The following LVRN variants were observed in gnomAD, a reference collection of about 807,000 sequenced individuals.
LVRN encodes the protein laeverin.
In LVRN, 99 loss-of-function variants were observed where a neutral mutation model predicts 111.4. The observed-to-expected ratio is 0.89, with a 90% CI of 0.76 to 1.05. The LOEUF (loss-of-function observed/expected upper bound fraction) is 1.05, where lower values mean the gene tolerates loss of function less well. Ranked by LOEUF, LVRN falls within the 50% of genes least tolerant of loss-of-function variation. LVRN has a pLI of 0.00. For missense variants in LVRN, 1,414 were observed against 1,206.8 expected (o/e 1.17, Z -2.54); for synonymous variants, 488 against 449.5 (o/e 1.09, Z -1.08).
intron 1 of LVRN, among the ~76,000 whole-genome samples, chr5:115,970,458 C>G (rs1340056310): frequency 1.3e-5 from 2 of 150,096 alleles, no homozygotes; most frequent in Non-Finnish European, 2.9e-5. Flanking sequence ...TCTCAGCTCA[C>G]TGCAACCTCC....
chr5:116,000,022 TAATTC>T (rs1223041009), intron 7 of LVRN, 120 bp downstream of exon 7: 1 of 1,119,804 alleles, frequency 8.9e-7, no homozygotes, highest in Non-Finnish European at 1.3e-6. Flanking sequence ...AACCTTATTT[TAATTC>T]AATACATAGG....
chr5:116,017,141 C>T (rs1197177878), intron 18 of LVRN, among the ~76,000 whole-genome samples: 2 of 152,106 alleles, frequency 1.3e-5, no homozygotes, highest in African/African-American at 4.8e-5. Flanking sequence ...CCTCCTTCTA[C>T]CTGGAGGACA....
At chr5:116,006,523 C>T (rs1458184953) in intron 13 of LVRN, among the ~76,000 whole-genome samples, 1 of 152,086 alleles carries the variant, frequency 6.6e-6, no homozygotes, top group African/African-American at 2.4e-5. Context: ...TCTCTAAGAT[C>T]ACCATGACTT....
chr5:116,022,360 C>T (rs776623453), intron 18 of LVRN, 31 bp from the exon 19 acceptor site: 4 of 1,509,942 alleles, frequency 2.6e-6, no homozygotes, highest in Non-Finnish European at 3.7e-6. Context: ...AAATGCTTTC[C>T]ACCCTTGATT....
At chr5:115,977,424 G>A (rs1753471744) in intron 1 of LVRN, among the ~76,000 whole-genome samples, 1 of 152,108 alleles carries the variant, frequency 6.6e-6, no homozygotes, top group South Asian at 2.1e-4. Context: ...TGTGCTTCTG[G>A]TTGTCTTATG....
chr5:115,968,940 G>T (rs928722484), intron 1 of LVRN, among the ~76,000 whole-genome samples: 2 of 152,160 alleles, frequency 1.3e-5, no homozygotes, highest in South Asian at 4.1e-4. Flanking sequence ...AGGAATTGCA[G>T]CCGGGCTCAG....
At position 115,962,773 on chromosome 5, in the gene LVRN, G is replaced by A. The variant is rs372670046; in HGVS notation, c.156G>A (p.Arg52=). Residue 52 remains arginine, a synonymous_variant, in exon 1 of 20, where the codon AGG becomes AGA. Coordinates refer to ENST00000357872, the MANE Select transcript of LVRN (RefSeq NM_173800.5). ...CACCGTCGGAGCTGCCTGGACTCAG[G>A]GACTTGGAAGCCGAGTCTTCCCCTC... ...RVPPSELPGL[R]DLEAESSPPL... The A allele has an allele frequency of 5.5e-5, 88 of 1,611,374 alleles. No homozygotes were observed. In the African/African-American group the frequency reaches 9.4e-4, roughly 17 times the overall value.
rs746238759 is a variant in LVRN, at chr5:115,962,598, G to T, written c.-20G>T. 1.4e-5 allele frequency: 22 copies of T among 1,582,578 alleles called. No individual in the cohort carries two copies. The highest frequency in any genetic ancestry group is 1.9e-5 in the Non-Finnish European group (22 of 1,167,320). On this transcript the variant is annotated 5_prime_UTR_variant, in exon 1 of 20. Coordinates refer to ENST00000357872, the MANE Select transcript of LVRN (RefSeq NM_173800.5). ...CACAGTCTCTGAGCTCCAGCCTCGCGCCTGAACCCGGTCCCTGCCATGGGG... is the reference window on the plus strand; with the variant it reads ...CACAGTCTCTGAGCTCCAGCCTCGCTCCTGAACCCGGTCCCTGCCATGGGG...
intron 1 of LVRN, among the ~76,000 whole-genome samples, 159 bp from the exon 2 acceptor site, chr5:115,983,128 A>AT (rs1335847336): frequency 6.6e-6 from 1 of 152,172 alleles, no homozygotes; most frequent in African/African-American, 2.4e-5. Context: ...TGCCATGATA[A>AT]TTGGAGTGTG....
chr5:115,995,228 G>C (rs1014872304), intron 6 of LVRN: 7 of 152,128 alleles, frequency 4.6e-5, no homozygotes, highest in African/African-American at 1.7e-4. Context: ...GTAGGTAGAT[G>C]GTACTTGTTT....
intron 9 of LVRN, 87 bp from the exon 10 acceptor site, chr5:116,000,980 T>C: frequency 7.0e-7 from 1 of 1,424,892 alleles, no homozygotes. Flanking sequence ...AGGAAGAGAA[T>C]AGCTACCGAG....
At chr5:116,015,041 C>T (rs1247211046) in intron 16 of LVRN, among the ~76,000 whole-genome samples, 2 of 152,106 alleles carry the variant, frequency 1.3e-5, no homozygotes, top group Admixed American at 1.3e-4. Flanking sequence ...TAATTTACTT[C>T]TTTCTTAAAG....
chr5:115,964,353 A>G (rs952481081), intron 1 of LVRN, among the ~76,000 whole-genome samples: 1 of 152,230 alleles, frequency 6.6e-6, no homozygotes, highest in African/African-American at 2.4e-5. Context: ...TCAAAATTTC[A>G]AAGGTTTCTA....
chr5:116,019,204 A>T (rs188463377), intron 18 of LVRN, among the ~76,000 whole-genome samples: 5 of 152,302 alleles, frequency 3.3e-5, no homozygotes, highest in Non-Finnish European at 5.9e-5. Context: ...GTATTTGTGT[A>T]TTTAAACATA....
intron 1 of LVRN, chr5:115,975,580 C>A (rs138999410): frequency 6.4e-6 from 1 of 157,378 alleles, no homozygotes; most frequent in African/African-American, 2.4e-5. Flanking sequence ...GTTTGGGCTA[C>A]CCCTGTAAGA....
At chr5:115,975,069 T>C (rs966218411) in intron 1 of LVRN, 2 of 325,036 alleles carry the variant, frequency 6.2e-6, no homozygotes, top group East Asian at 8.0e-5. Flanking sequence ...TTTGCTTCAC[T>C]AAACTTAATG....
Position 116,011,151 on chromosome 5 carries a change from T to C in LVRN, c.2247+257T>C, listed in dbSNP as rs1202257817. ...CTTCATTCTTGGTGAAGTGACAGTA[T>C]GTCCTAAGAAACCAGAAGTGGATGG... is the stretch of plus-strand genomic sequence containing the variant. On this transcript the variant is annotated intron_variant, in intron 14 of 19. Transcript: ENST00000357872. Among the ~76,000 whole-genome samples the C allele has an allele frequency of 3.3e-5, 5 of 151,458 alleles. 1 individual carries two copies. Among genetic ancestry groups the C allele is most frequent in the Non-Finnish European group, 7.4e-5 (5 of 67,892 alleles).
intron 6 of LVRN, chr5:115,995,285 T>A (rs568697574): frequency 1.3e-5 from 2 of 152,328 alleles, no homozygotes; most frequent in South Asian, 4.1e-4. Context: ...CCTATCTTAG[T>A]GCCACAGAAA....
At chr5:116,001,359 G>A (rs1748236071) in intron 10 of LVRN, 120 bp downstream of exon 10, 2 of 1,167,578 alleles carry the variant, frequency 1.7e-6, no homozygotes, top group African/African-American at 1.6e-5. Context: ...TCTGCAATGT[G>A]ACTGTGTACT....
Sources: allele counts gnomAD v4.1 joint callset (sites outside exome capture counted in the v4.1 genomes callset), GRCh38; gene constraint gnomAD v4.1.1; transcripts MANE v1.5; gene names NCBI Gene and HGNC (gene_info 2026-07-23, HGNC 2026-07-21).